Variants in KCNT2 observed in about 807,000 individuals in gnomAD.
KCNT2 encodes potassium channel subfamily T member 2.
In KCNT2, 67 loss-of-function variants were observed where a neutral mutation model predicts 153.8. The observed-to-expected ratio is 0.44, with a 90% CI of 0.36 to 0.53. The LOEUF is 0.53. Ranked by LOEUF, KCNT2 falls within the 20% of genes least tolerant of loss-of-function variation. KCNT2 has a pLI of 0.00. For missense variants in KCNT2, 975 were observed against 1,354.8 expected (o/e 0.72, Z 4.40); for synonymous variants, 500 against 458.8 (o/e 1.09, Z -1.15).
At chr1:196,385,868 C>A (rs973568266) in intron 13 of KCNT2, among the ~76,000 whole-genome samples, 6 of 151,706 alleles carry the variant, frequency 4.0e-5, no homozygotes, top group Non-Finnish European at 7.4e-5. Flanking sequence ...CCAGGATTGC[C>A]CCAAATAACT....
intron 25 of KCNT2, among the ~76,000 whole-genome samples, chr1:196,270,419 A>G (rs1657956536): frequency 6.6e-6 from 1 of 152,120 alleles, no homozygotes; most frequent in Non-Finnish European, 1.5e-5. Context: ...TACACACAAA[A>G]AATTAAGTAT....
intron 9 of KCNT2, 61 bp downstream of exon 9, chr1:196,429,516 G>A: frequency 9.2e-7 from 1 of 1,082,754 alleles, no homozygotes; most frequent in South Asian, 2.0e-5. Flanking sequence ...CTTATTAAAT[G>A]TGGAGGATTC....
At chr1:196,296,856 G>A (rs1413001240) in intron 22 of KCNT2, among the ~76,000 whole-genome samples, 1 of 152,010 alleles carries the variant, frequency 6.6e-6, no homozygotes, top group African/African-American at 2.4e-5. Flanking sequence ...TCAAAAATGA[G>A]TAGTGCCTTG....
chr1:196,417,738 G>A (rs1672869171), intron 12 of KCNT2, among the ~76,000 whole-genome samples: 1 of 152,074 alleles, frequency 6.6e-6, no homozygotes, highest in Admixed American at 6.6e-5. Flanking sequence ...AGACGATTTT[G>A]TCATTGGGCA....
chr1:196,386,105 A>G (rs1572256441), intron 13 of KCNT2, among the ~76,000 whole-genome samples: 1 of 152,122 alleles, frequency 6.6e-6, no homozygotes, highest in East Asian at 1.9e-4. Flanking sequence ...GTCCACATGT[A>G]AGAAACCAAG....
intron 1 of KCNT2, among the ~76,000 whole-genome samples, chr1:196,541,975 C>A (rs1167758442): frequency 6.6e-6 from 1 of 151,644 alleles, no homozygotes; most frequent in Non-Finnish European, 1.5e-5. Context: ...AGGTGTCTAG[C>A]ACCTAAAAAA....
At chr1:196,399,351 A>G (rs1671224831) in intron 12 of KCNT2, among the ~76,000 whole-genome samples, 1 of 151,774 alleles carries the variant, frequency 6.6e-6, no homozygotes, top group Non-Finnish European at 1.5e-5. Context: ...GAAAGGAAGC[A>G]CAAAGGTGCT....
At chr1:196,324,603 T>G (rs1275364007) in intron 19 of KCNT2, among the ~76,000 whole-genome samples, 1 of 152,030 alleles carries the variant, frequency 6.6e-6, no homozygotes, top group African/African-American at 2.4e-5. Context: ...GTAAAGTGTG[T>G]AGTATGATGA....
At chr1:196,557,638 T>C (rs1350995523) in intron 1 of KCNT2, among the ~76,000 whole-genome samples, 1 of 151,252 alleles carries the variant, frequency 6.6e-6, no homozygotes, top group Non-Finnish European at 1.5e-5. Flanking sequence ...TATTAATTAA[T>C]AGCAATGTTA....
intron 1 of KCNT2, among the ~76,000 whole-genome samples, chr1:196,570,240 A>G (rs148622416): frequency 6.2e-4 from 95 of 152,266 alleles, no homozygotes; most frequent in African/African-American, 2.2e-3. Context: ...TAAGTATGAA[A>G]TAATCCCAAT....
intron 25 of KCNT2, among the ~76,000 whole-genome samples, chr1:196,271,516 G>A (rs1658063559): frequency 1.3e-5 from 2 of 152,002 alleles, no homozygotes; most frequent in African/African-American, 4.8e-5. Flanking sequence ...GTTAGTAAGT[G>A]TGCCAGTGAA....
chr1:196,280,751 A>T, intron 25 of KCNT2, 109 bp downstream of exon 25: 1 of 1,065,328 alleles, frequency 9.4e-7, no homozygotes, highest in Non-Finnish European at 1.4e-6. Context: ...TTCAGGTAGC[A>T]TTCTTTTTCA....
chr1:196,347,599 A>G (rs771635970), intron 14 of KCNT2, among the ~76,000 whole-genome samples: 2 of 152,196 alleles, frequency 1.3e-5, no homozygotes, highest in Non-Finnish European at 2.9e-5. Flanking sequence ...TCACTCTGCC[A>G]TTGAAAATGC....
intron 12 of KCNT2, among the ~76,000 whole-genome samples, chr1:196,405,634 G>C (rs553700545): frequency 1.3e-5 from 2 of 151,350 alleles, no homozygotes; most frequent in East Asian, 2.0e-4. Flanking sequence ...CTCTCAAACA[G>C]AGTCTGTCAT....
rs181054137 is a variant in KCNT2, at chr1:196,429,310, A to G, written c.819+267T>C. 2.6e-3 allele frequency among the ~76,000 whole-genome samples: 402 copies of G among 152,090 alleles called. 2 individuals are homozygous for G. The highest frequency in any genetic ancestry group is 2.8e-3 in the Non-Finnish European group (187 of 67,992). On this transcript the variant is annotated intron_variant, in intron 9 of 27. Transcript: ENST00000294725. ...TATTCTATATTTAATATAATTAAGT[A>G]CCCTATACTAAAAAAAATCTTGAAT...
intron 8 of KCNT2, among the ~76,000 whole-genome samples, chr1:196,462,222 G>A (rs1366895822): frequency 1.3e-5 from 2 of 151,458 alleles, no homozygotes; most frequent in East Asian, 3.9e-4. Context: ...CATGCCCCTG[G>A]TTTTTATCTG....
At chr1:196,475,488 T>G (rs1678452550) in intron 5 of KCNT2, among the ~76,000 whole-genome samples, 1 of 151,846 alleles carries the variant, frequency 6.6e-6, no homozygotes, top group South Asian at 2.1e-4. Flanking sequence ...GGTGTGGTGG[T>G]GCACACCTGC....
At chr1:196,598,618 T>C (rs1194224347) in intron 1 of KCNT2, among the ~76,000 whole-genome samples, 1 of 152,206 alleles carries the variant, frequency 6.6e-6, no homozygotes, top group Non-Finnish European at 1.5e-5. Context: ...ATTTTGTTCT[T>C]CCTATTATTT....
intron 14 of KCNT2, among the ~76,000 whole-genome samples, chr1:196,359,424 A>G (rs966968361): frequency 1.3e-5 from 2 of 152,034 alleles, no homozygotes; most frequent in Non-Finnish European, 2.9e-5. Flanking sequence ...GAGTCTCATG[A>G]GAGAGAGCAG....
Sources: gnomAD v4.1 joint callset for allele counts (sites outside exome capture counted in the v4.1 genomes callset) on GRCh38, gnomAD v4.1.1 for gene constraint, MANE v1.5 for transcripts, NCBI Gene and HGNC (gene_info 2026-07-23, HGNC 2026-07-21) for gene names.